Variants in FRMD4A observed in about 807,000 individuals in gnomAD.
FRMD4A encodes the protein FERM domain containing 4A.
Under a neutral mutation model 129.1 loss-of-function variants are expected in FRMD4A, and 29 were observed. The ratio of observed to expected loss-of-function variants is 0.22; its 90% CI spans 0.17 to 0.31. The LOEUF (loss-of-function observed/expected upper bound fraction) is 0.31, where lower values mean the gene tolerates loss of function less well. Ranked by LOEUF, FRMD4A falls within the 10% of genes least tolerant of loss-of-function variation. The pLI is 1.00. For missense variants in FRMD4A, 1,272 were observed against 1,375.8 expected (o/e 0.92, Z 1.19); for synonymous variants, 634 against 571.6 (o/e 1.11, Z -1.56).
chr10:13,724,217 T>C (rs1165191594), intron 12 of FRMD4A, among the ~76,000 whole-genome samples: 1 of 152,108 alleles, frequency 6.6e-6, no homozygotes, highest in Admixed American at 6.5e-5. Flanking sequence ...TGAAACCCTG[T>C]CTCTACTAAA....
chr10:14,027,019 G>C (rs1385613686), intron 2 of FRMD4A, among the ~76,000 whole-genome samples: 2 of 152,142 alleles, frequency 1.3e-5, no homozygotes, highest in Non-Finnish European at 2.9e-5. Context: ...GAGATATTTT[G>C]ATCCAGGCAT....
At chr10:13,992,874 C>T (rs1035390518) in intron 2 of FRMD4A, among the ~76,000 whole-genome samples, 1 of 148,280 alleles carries the variant, frequency 6.7e-6, no homozygotes, top group Admixed American at 7.0e-5. Context: ...GATCGCTTGA[C>T]CCCCGGTGGC....
At chr10:14,082,278 T>G (rs1835972766) in intron 2 of FRMD4A, among the ~76,000 whole-genome samples, 1 of 152,168 alleles carries the variant, frequency 6.6e-6, no homozygotes, top group South Asian at 2.1e-4. Context: ...CTAAGATATT[T>G]TTATTAATAG....
intron 14 of FRMD4A, among the ~76,000 whole-genome samples, chr10:13,700,820 CTTTTTTTT>C (rs71503097): frequency 0.035 from 1,545 of 44,744 alleles, 54 homozygotes; most frequent in African/African-American, 0.12. Flanking sequence ...AGGGTAGTTG[CTTTTTTTT>C]TTTTTTTTTT....
At chr10:14,057,007 G>A (rs1834565952) in intron 2 of FRMD4A, among the ~76,000 whole-genome samples, 1 of 152,144 alleles carries the variant, frequency 6.6e-6, no homozygotes, top group Admixed American at 6.6e-5. Flanking sequence ...ACAAAACCTT[G>A]AAGCCTGAGT....
intron 2 of FRMD4A, among the ~76,000 whole-genome samples, chr10:14,204,641 G>T (rs1842729296): frequency 6.6e-6 from 1 of 152,048 alleles, no homozygotes. Flanking sequence ...GCCCTTAGCT[G>T]CCTTTTGCAG....
At chr10:13,907,609 G>A (rs3235) in intron 2 of FRMD4A, among the ~76,000 whole-genome samples, 101,244 of 151,908 alleles carry the variant, frequency 0.67, 33,969 homozygotes, top group East Asian at 0.72. Context: ...CCTGACAGAC[G>A]AGGAAGTAGG....
chr10:13,702,918 A>AAG (rs201678909), intron 13 of FRMD4A, among the ~76,000 whole-genome samples: 388 of 58,888 alleles, frequency 6.6e-3, no homozygotes, highest in African/African-American at 0.015. Flanking sequence ...TGAAGGAAAA[A>AAG]AAAAAAAAAA....
chr10:14,270,569 T>G (rs182649717), intron 2 of FRMD4A, among the ~76,000 whole-genome samples: 5 of 152,306 alleles, frequency 3.3e-5, no homozygotes, highest in African/African-American at 1.2e-4. Flanking sequence ...CTGCTGCATA[T>G]TAACCCTAAG....
chr10:13,656,984 T>C lies in FRMD4A; in HGVS notation c.2605A>G (p.Thr869Ala). 1.3e-6 allele frequency: 2 copies of C among 1,558,232 alleles called. No homozygotes were observed. The highest frequency in any genetic ancestry group is 2.5e-5 in the East Asian group (1 of 40,556). The change falls in exon 22 of 25, where the codon ACG becomes GCG. Residue 869 changes from threonine to alanine, a missense_variant. Transcript: ENST00000357447. The stretch of plus-strand genomic sequence containing the variant: ...CCGCCCGCCGTGTAGGAGTTGGACG[T>C]CTTGAACTGAGCCTTGACGCTGTAG... The part of the protein sequence containing the change: ...GHYSVKAQFK[T>A]SNSYTAGGLF...
chr10:13,982,510 G>A (rs2095565950), intron 2 of FRMD4A, among the ~76,000 whole-genome samples: 1 of 148,446 alleles, frequency 6.7e-6, no homozygotes, highest in South Asian at 2.2e-4. Context: ...GGGGGGAAGG[G>A]ATCCTCTGAC....
intron 11 of FRMD4A, among the ~76,000 whole-genome samples, chr10:13,739,676 AG>A (rs1448617262): frequency 1.3e-5 from 2 of 152,262 alleles, no homozygotes; most frequent in Non-Finnish European, 2.9e-5. Flanking sequence ...GGGCTGACAA[AG>A]AAATGGACCA....
chr10:14,097,922 A>AC (rs1837064104), intron 2 of FRMD4A, among the ~76,000 whole-genome samples: 1 of 146,532 alleles, frequency 6.8e-6, no homozygotes. Context: ...TAAATTATAT[A>AC]TAAAAATTGT....
intron 2 of FRMD4A, among the ~76,000 whole-genome samples, chr10:14,086,173 G>T (rs1460692920): frequency 6.6e-6 from 1 of 152,198 alleles, no homozygotes; most frequent in East Asian, 1.9e-4. Context: ...GAATGGAGAA[G>T]GGGCTATGCT....
intron 8 of FRMD4A, among the ~76,000 whole-genome samples, chr10:13,752,377 G>T (rs1290140599): frequency 6.6e-6 from 1 of 152,144 alleles, no homozygotes; most frequent in African/African-American, 2.4e-5. Context: ...CAAAGTGAAG[G>T]GAGCAAAAAT....
chr10:14,017,217 C>T (rs571965185), intron 2 of FRMD4A, among the ~76,000 whole-genome samples: 12 of 152,246 alleles, frequency 7.9e-5, no homozygotes, highest in East Asian at 1.9e-4. Flanking sequence ...TGTGATTAAA[C>T]GGGTAATAAG....
At chr10:13,685,457 G>A in intron 15 of FRMD4A, 1 of 984,936 alleles carries the variant, frequency 1.0e-6, no homozygotes, top group Non-Finnish European at 1.2e-6. Flanking sequence ...AAATCCTACA[G>A]TTTCCATTTC....
At chr10:13,676,598 C>A (rs2084027949) in intron 15 of FRMD4A, among the ~76,000 whole-genome samples, 1 of 152,068 alleles carries the variant, frequency 6.6e-6, no homozygotes, top group Admixed American at 6.6e-5. Flanking sequence ...CTTTGCAAGC[C>A]CATCGTGAGC....
chr10:13,787,576 TA>T (rs2092899029), intron 5 of FRMD4A, among the ~76,000 whole-genome samples: 1 of 152,292 alleles, frequency 6.6e-6, no homozygotes, highest in East Asian at 1.9e-4. Flanking sequence ...CCTGTCTGTC[TA>T]AGCCTCCCAG....
Sources: gnomAD v4.1 joint callset for allele counts (sites outside exome capture counted in the v4.1 genomes callset) on GRCh38, gnomAD v4.1.1 for gene constraint, MANE v1.5 for transcripts, NCBI Gene and HGNC (gene_info 2026-07-23, HGNC 2026-07-21) for gene names.